NAV2: variants seen among roughly 807,000 people sequenced by gnomAD.
NAV2 encodes helicase, APC down-regulated 1.
Under a neutral mutation model 223.2 loss-of-function variants are expected in NAV2, and 54 were observed. That is an observed-to-expected ratio of 0.24 (90% CI 0.19 to 0.30). The LOEUF (loss-of-function observed/expected upper bound fraction) is 0.30, where lower values mean the gene tolerates loss of function less well. Ranked by LOEUF, NAV2 falls within the 10% of genes least tolerant of loss-of-function variation. The pLI is 1.00. For synonymous variants in NAV2, 1,279 were observed against 1,239.3 expected, an observed-to-expected ratio of 1.03 and a Z score of -0.67; for missense variants, 2,806 against 3,147.5, an observed-to-expected ratio of 0.89 and a Z score of 2.60.
chr11:19,409,631 T>C (rs540670407), intron 1 of NAV2, among the ~76,000 whole-genome samples: 2 of 152,212 alleles, frequency 1.3e-5, no homozygotes, highest in Non-Finnish European at 2.9e-5. Context: ...GTTCATTCCT[T>C]TGGCAAATAT....
rs56286728 is a variant in NAV2 at position 19,380,235 on chromosome 11, C to G, written c.75+29208C>G. Among the ~76,000 whole-genome samples the G allele has an allele frequency of 7.6e-3, 1,165 of 152,346 alleles. 8 individuals carry two copies. Among genetic ancestry groups the G allele is most frequent in the Admixed American group, 0.011 (172 of 15,304 alleles). Reference sequence around the variant, plus strand: ...GTCTTAATGAGATTTGAATACAACACAGTGATGTTGATACCCATCAAGCTT... The same window carrying G: ...GTCTTAATGAGATTTGAATACAACAGAGTGATGTTGATACCCATCAAGCTT... On this transcript the variant is annotated intron_variant, in intron 1 of 37. Transcript: ENST00000360655.
chr11:19,491,224 A>T (rs2042615819), intron 1 of NAV2, among the ~76,000 whole-genome samples: 1 of 152,174 alleles, frequency 6.6e-6, no homozygotes, highest in Non-Finnish European at 1.5e-5. Context: ...CAGCTATATG[A>T]ACTCTTCACA....
intron 1 of NAV2, among the ~76,000 whole-genome samples, chr11:19,692,819 G>A (rs932988767): frequency 1.3e-5 from 2 of 152,244 alleles, no homozygotes; most frequent in African/African-American, 4.8e-5. Flanking sequence ...TCAAGTGTGT[G>A]CATGTGTGTT....
At chr11:19,677,005 A>G (rs75186311) in intron 1 of NAV2, among the ~76,000 whole-genome samples, 2,415 of 152,226 alleles carry the variant, frequency 0.016, 65 homozygotes, top group African/African-American at 0.055. Context: ...CCACACCAAG[A>G]GTGAAGGCAC....
intron 3 of NAV2, among the ~76,000 whole-genome samples, chr11:19,866,621 A>C (rs1414475425): frequency 6.6e-6 from 1 of 152,192 alleles, no homozygotes; most frequent in Non-Finnish European, 1.5e-5. Context: ...CCATAAATAT[A>C]AGTAATGTAC....
At chr11:20,080,975 A>G (rs2060056461) in intron 25 of NAV2, among the ~76,000 whole-genome samples, 1 of 152,228 alleles carries the variant, frequency 6.6e-6, no homozygotes, top group Non-Finnish European at 1.5e-5. Flanking sequence ...TCTTCAGTGC[A>G]AGAATATCTC....
chr11:19,837,282 G>T (rs1565403526), intron 2 of NAV2, among the ~76,000 whole-genome samples: 1 of 152,174 alleles, frequency 6.6e-6, no homozygotes, highest in Non-Finnish European at 1.5e-5. Flanking sequence ...AGAAGAGAGG[G>T]CTGGACTCTA....
intron 1 of NAV2, among the ~76,000 whole-genome samples, chr11:19,771,369 T>G (rs899158842): frequency 2.0e-5 from 3 of 152,108 alleles, no homozygotes; most frequent in Non-Finnish European, 4.4e-5. Flanking sequence ...GATCCGAGAA[T>G]TCACCAGCAG....
intron 6 of NAV2, among the ~76,000 whole-genome samples, chr11:19,908,350 T>C (rs12788728): frequency 6.6e-6 from 1 of 152,126 alleles, no homozygotes; most frequent in Admixed American, 6.5e-5. Context: ...ACTGAGCTTT[T>C]CTTGGCCCAC....
chr11:19,795,243 C>T (rs994231865), intron 1 of NAV2, among the ~76,000 whole-genome samples: 9 of 152,316 alleles, frequency 5.9e-5, no homozygotes, highest in African/African-American at 2.2e-4. Context: ...TACTGCTGTC[C>T]TGATAAGCCA....
chr11:19,672,989 A>C (rs1166007973), intron 1 of NAV2, among the ~76,000 whole-genome samples: 2 of 152,220 alleles, frequency 1.3e-5, no homozygotes, highest in African/African-American at 2.4e-5. Flanking sequence ...AGGTTGTAAC[A>C]AGTTACATGG....
chr11:19,564,870 C>T (rs933486029), intron 1 of NAV2, among the ~76,000 whole-genome samples: 4 of 152,256 alleles, frequency 2.6e-5, no homozygotes, highest in African/African-American at 4.8e-5. Flanking sequence ...CGTGGTGGCT[C>T]ACGCCTGTAA....
rs1020220434 is a variant in NAV2 at position 19,574,592 on chromosome 11, T to C, written c.75+223565T>C. 3.3e-5 allele frequency among the ~76,000 whole-genome samples: 5 copies of C among 152,182 alleles called. No homozygotes were observed. The South Asian group carries it at 1.0e-3, about 32-fold the overall frequency. ...GCCATTGTATTAGAAACCCCCTCTT[T>C]TTCCTTCTTTACTTCCTTCCTTCCA... On this transcript the variant is annotated intron_variant, in intron 1 of 37. Coordinates refer to the NAV2 transcript ENST00000360655.
intron 4 of NAV2, among the ~76,000 whole-genome samples, chr11:19,875,771 T>C (rs1208806552): frequency 1.3e-5 from 2 of 152,210 alleles, no homozygotes; most frequent in East Asian, 3.9e-4. Context: ...AAAACTGTTT[T>C]TAAAACCAGA....
chr11:19,498,547 A>C (rs923872437), intron 1 of NAV2, among the ~76,000 whole-genome samples: 4 of 152,068 alleles, frequency 2.6e-5, no homozygotes, highest in African/African-American at 7.2e-5. Context: ...TTTCCCATCC[A>C]CCCCCATAAC....
At chr11:20,117,583 AGCTGC>A (rs1301585641) in intron 37 of NAV2, among the ~76,000 whole-genome samples, 1 of 152,038 alleles carries the variant, frequency 6.6e-6, no homozygotes, top group African/African-American at 2.4e-5. Context: ...CTTCCACAGG[AGCTGC>A]AGCACAGTTG....
At chr11:20,012,088 C>T (rs1018437904) in intron 11 of NAV2, among the ~76,000 whole-genome samples, 8 of 152,166 alleles carry the variant, frequency 5.3e-5, no homozygotes, top group African/African-American at 1.2e-4. Flanking sequence ...TTTTTCTATC[C>T]GTACTCCATT....
intron 1 of NAV2, among the ~76,000 whole-genome samples, chr11:19,793,572 G>A (rs1422584572): frequency 2.0e-5 from 3 of 152,126 alleles, no homozygotes; most frequent in African/African-American, 7.2e-5. Context: ...CTTGCACCTG[G>A]ACTGTTCCAG....
intron 1 of NAV2, among the ~76,000 whole-genome samples, chr11:19,828,533 A>G (rs1331246909): frequency 1.3e-5 from 2 of 152,212 alleles, no homozygotes; most frequent in Non-Finnish European, 2.9e-5. Flanking sequence ...TTCCTTTTTC[A>G]GGCTGGAGTG....
Sources: allele counts gnomAD v4.1 joint callset (sites outside exome capture counted in the v4.1 genomes callset), GRCh38; gene constraint gnomAD v4.1.1; transcripts MANE v1.5; gene names NCBI Gene and HGNC (gene_info 2026-07-23, HGNC 2026-07-21).